TSHZ2: variants seen among roughly 807,000 people sequenced by gnomAD.
TSHZ2 encodes the protein teashirt homolog 2.
In TSHZ2, 21 loss-of-function variants were observed where a neutral mutation model predicts 74.4. The observed-to-expected ratio is 0.28, with a 90% confidence interval of 0.20 to 0.41. The LOEUF (loss-of-function observed/expected upper bound fraction) is 0.41. Ranked by LOEUF, TSHZ2 falls within the 10% of genes least tolerant of loss-of-function variation. The pLI, the probability that TSHZ2 is intolerant of heterozygous loss-of-function variation, is 1.00. For missense variants in TSHZ2, 1,244 were observed against 1,293.5 expected (o/e 0.96, Z 0.59); for synonymous variants, 540 against 515.3 (o/e 1.05, Z -0.65).
intron 1 of TSHZ2, among the ~76,000 whole-genome samples, chr20:53,134,933 CTT>C (rs935986607): frequency 6.6e-6 from 1 of 151,570 alleles, no homozygotes; most frequent in African/African-American, 2.4e-5. Context: ...CATTTATACT[CTT>C]TTTCTCTCCA....
chr20:53,308,788 C>T (rs1308342528), intron 2 of TSHZ2, among the ~76,000 whole-genome samples: 6 of 152,166 alleles, frequency 3.9e-5, no homozygotes, highest in Admixed American at 6.5e-5. Context: ...AAAACAACCC[C>T]GTTATCGGAA....
At chr20:53,396,866 G>C (rs1453256477) in intron 2 of TSHZ2, among the ~76,000 whole-genome samples, 11 of 136,394 alleles carry the variant, frequency 8.1e-5, no homozygotes, top group Admixed American at 2.9e-4. Flanking sequence ...AAAAAAAACA[G>C]AGAGAGAATG....
At chr20:53,472,640 G>T (rs867979481) in intron 2 of TSHZ2, among the ~76,000 whole-genome samples, 4 of 147,810 alleles carry the variant, frequency 2.7e-5, no homozygotes, top group Middle Eastern at 3.4e-3. Flanking sequence ...GAGCTCCTCA[G>T]GGGGGAGGGA....
intron 2 of TSHZ2, among the ~76,000 whole-genome samples, chr20:53,348,913 C>T (rs1360421919): frequency 2.6e-5 from 4 of 152,168 alleles, no homozygotes; most frequent in Non-Finnish European, 2.9e-5. Flanking sequence ...CCGAGCCCCG[C>T]AAGGATACCA....
At chr20:53,010,473 G>C (rs1280884827) in intron 1 of TSHZ2, among the ~76,000 whole-genome samples, 5 of 152,166 alleles carry the variant, frequency 3.3e-5, no homozygotes, top group African/African-American at 1.2e-4. Context: ...TCAGTGGTTA[G>C]AACCAGCTGG....
intron 2 of TSHZ2, among the ~76,000 whole-genome samples, chr20:53,323,683 A>G (rs1384999899): frequency 7.2e-6 from 1 of 139,612 alleles, no homozygotes; most frequent in Non-Finnish European, 1.5e-5. Context: ...TCAAGCGATT[A>G]TCTTGCCTCA....
chr20:53,468,147 A>T (rs1210409125), intron 2 of TSHZ2, among the ~76,000 whole-genome samples: 3 of 152,160 alleles, frequency 2.0e-5, no homozygotes, highest in Admixed American at 2.0e-4. Context: ...AAGCTAGTGG[A>T]GGGGGGTGGA....
chr20:53,441,858 A>G (rs1284964093), intron 2 of TSHZ2, among the ~76,000 whole-genome samples: 1 of 152,246 alleles, frequency 6.6e-6, no homozygotes, highest in Non-Finnish European at 1.5e-5. Context: ...CTGGTGTTAC[A>G]GGCGTGAGCC....
intron 2 of TSHZ2, among the ~76,000 whole-genome samples, chr20:53,286,079 C>T (rs1386652231): frequency 3.3e-5 from 5 of 152,112 alleles, no homozygotes; most frequent in African/African-American, 1.2e-4. Context: ...GCATTTACTT[C>T]TCGAGCTCAG....
chr20:52,975,277 A>G (rs1265467404), intron 1 of TSHZ2, among the ~76,000 whole-genome samples: 2 of 152,068 alleles, frequency 1.3e-5, no homozygotes, highest in South Asian at 2.1e-4. Flanking sequence ...TTGTTCCGGT[A>G]AAGACTATCA....
intron 1 of TSHZ2, among the ~76,000 whole-genome samples, chr20:52,996,798 G>A (rs555946894): frequency 2.2e-4 from 34 of 152,282 alleles, no homozygotes; most frequent in African/African-American, 4.3e-4. Flanking sequence ...GCATGTGCTC[G>A]TGGCTGAATC....
chr20:53,229,335 A>G (rs1486695995), intron 1 of TSHZ2, among the ~76,000 whole-genome samples: 1 of 152,086 alleles, frequency 6.6e-6, no homozygotes, highest in African/African-American at 2.4e-5. Flanking sequence ...AACTTTTCCA[A>G]CAGATCCTCC....
chr20:53,420,742 G>A (rs575413908), intron 2 of TSHZ2, among the ~76,000 whole-genome samples: 2 of 152,214 alleles, frequency 1.3e-5, no homozygotes, highest in African/African-American at 2.4e-5. Flanking sequence ...TAGCCTGGGC[G>A]ACAGAGCAAG....
chr20:53,051,746 C>T (rs1984476111), intron 1 of TSHZ2, among the ~76,000 whole-genome samples: 1 of 152,180 alleles, frequency 6.6e-6, no homozygotes, highest in South Asian at 2.1e-4. Context: ...TGGACTCACA[C>T]ACAAGCCCTG....
chr20:53,271,059 G>A (rs373012875), intron 2 of TSHZ2, among the ~76,000 whole-genome samples: 3 of 152,160 alleles, frequency 2.0e-5, no homozygotes, highest in Admixed American at 6.5e-5. Flanking sequence ...TCAGGACCTC[G>A]TCATCCCAGA....
At chr20:53,389,436 C>T (rs187325408) in intron 2 of TSHZ2, among the ~76,000 whole-genome samples, 15 of 152,280 alleles carry the variant, frequency 9.9e-5, no homozygotes, top group Non-Finnish European at 1.6e-4. Context: ...CCACATTAGG[C>T]CTGAAAGAGG....
chr20:53,410,544 T>C (rs1320493404), intron 2 of TSHZ2, among the ~76,000 whole-genome samples: 4 of 151,658 alleles, frequency 2.6e-5, no homozygotes, highest in Non-Finnish European at 5.9e-5. Flanking sequence ...TTGGCATACA[T>C]AACAACCTAA....
chr20:53,385,898 G>A (rs1348949047), intron 2 of TSHZ2, among the ~76,000 whole-genome samples: 2 of 152,226 alleles, frequency 1.3e-5, no homozygotes, highest in South Asian at 2.1e-4. Flanking sequence ...GACAAGCCTG[G>A]AGAGAAAAGT....
At chr20:53,029,827 TTTTC>T (rs1813908921) in intron 1 of TSHZ2, among the ~76,000 whole-genome samples, 1 of 150,518 alleles carries the variant, frequency 6.6e-6, no homozygotes. Context: ...GAGCTTTCCT[TTTTC>T]TTCAAAAATT....
Sources: allele counts gnomAD v4.1 joint callset (sites outside exome capture counted in the v4.1 genomes callset), GRCh38; gene constraint gnomAD v4.1.1; transcripts MANE v1.5; gene names NCBI Gene and HGNC (gene_info 2026-07-23, HGNC 2026-07-21).